The following CABIN1 variants were observed in gnomAD, a reference collection of about 807,000 sequenced individuals.
CABIN1 encodes calcineurin-binding protein cabin-1.
In CABIN1, 133 loss-of-function variants were observed where a neutral mutation model predicts 227.7. The observed-to-expected ratio is 0.58, with a 90% CI of 0.51 to 0.67. The LOEUF is 0.67. CABIN1 is among the 30% of genes least tolerant of loss of function. CABIN1 has a pLI of 0.00. For missense variants in CABIN1, 2,408 were observed against 2,852.5 expected, an observed-to-expected ratio of 0.84 and a Z score of 3.55; for synonymous variants, 1,086 against 1,155.1, an observed-to-expected ratio of 0.94 and a Z score of 1.21.
chr22:24,019,319 A>G (rs1400244829), intron 1 of CABIN1, among the ~76,000 whole-genome samples: 1 of 149,208 alleles, frequency 6.7e-6, no homozygotes, highest in Non-Finnish European at 1.5e-5. Context: ...TTTGGTAGAG[A>G]CAGGGTTTCA....
At chr22:24,162,648 C>T (rs545972775) in intron 29 of CABIN1, among the ~76,000 whole-genome samples, 1 of 152,338 alleles carries the variant, frequency 6.6e-6, no homozygotes, top group South Asian at 2.1e-4. Context: ...CCTCTCAGGG[C>T]TGGCTGGGGA....
chr22:24,080,070 T>C (rs754288609), intron 19 of CABIN1, among the ~76,000 whole-genome samples: 1 of 152,238 alleles, frequency 6.6e-6, no homozygotes, highest in Non-Finnish European at 1.5e-5. Context: ...ACTAGTTTGC[T>C]CTTGTATTTC....
In CABIN1 at chr22:24,166,767, T is replaced by C; in HGVS notation, c.5136T>C (p.Ala1712=). ...GLPQPKKPPL[A]DGSGPGPEPG... is the part of the protein sequence containing the mutation. ...CCCAGCCGAAGAAGCCCCCTCTGGC[T>C]GATGGCTCAGGGCCAGGGCCCGAGC... The change falls in exon 32 of 37, where the codon GCT becomes GCC. Residue 1712 remains alanine, a synonymous_variant. Coordinates refer to ENST00000263119, the MANE Select transcript of CABIN1 (RefSeq NM_012295.4). 1.2e-6 allele frequency: 2 copies of C among 1,612,882 alleles called. No individual in the cohort carries two copies. The highest frequency in any genetic ancestry group is 1.7e-6 in the Non-Finnish European group (2 of 1,179,978).
intron 26 of CABIN1, among the ~76,000 whole-genome samples, chr22:24,106,666 A>ATGTC (rs913044056): frequency 6.6e-6 from 1 of 152,052 alleles, no homozygotes; most frequent in Non-Finnish European, 1.5e-5. Flanking sequence ...CCCACTGTTC[A>ATGTC]TGTCTGTCTG....
intron 10 of CABIN1, among the ~76,000 whole-genome samples, chr22:24,058,286 ATGT>A (rs1350279692): frequency 6.6e-6 from 1 of 152,174 alleles, no homozygotes; most frequent in African/African-American, 2.4e-5. Context: ...ACCTCCCAAA[ATGT>A]TGAGATTACA....
intron 29 of CABIN1, among the ~76,000 whole-genome samples, chr22:24,161,068 A>G (rs1423182316): frequency 6.6e-6 from 1 of 152,222 alleles, no homozygotes. Flanking sequence ...GGCTGTAGGC[A>G]GGGTTTGGTA....
intron 3 of CABIN1, 105 bp from the exon 4 acceptor site, chr22:24,038,243 C>T (rs2037076349): frequency 2.4e-6 from 2 of 843,772 alleles, no homozygotes; most frequent in Admixed American, 1.8e-5. Context: ...GCTATCTAAT[C>T]ACATGGTTGG....
chr22:24,037,984 G>C (rs2037052496), intron 3 of CABIN1, among the ~76,000 whole-genome samples: 1 of 152,224 alleles, frequency 6.6e-6, no homozygotes, highest in African/African-American at 2.4e-5. Context: ...GAACAGCCAA[G>C]TGGAGGAGAT....
rs944142979 is a variant in CABIN1, at chr22:24,011,337, G to T, written c.-105G>T. 1 of 152,616 alleles carries T rather than the reference G, an allele frequency of 6.6e-6. No homozygotes were observed. The highest frequency in any genetic ancestry group is 2.4e-5 in the African/African-American group (1 of 41,460). The allele number at this position is 152,616 out of a possible 1,614,324, so 9.5% of individuals were successfully genotyped here. ...CGCAGCCGGACGGCGCGGTGGTCGG[G>T]ACAGACTGGCCGTTGCTGTGGAGAC... On this transcript the variant is annotated 5_prime_UTR_variant, in exon 1 of 37. Coordinates refer to ENST00000263119, the MANE Select transcript of CABIN1 (RefSeq NM_012295.4).
intron 33 of CABIN1, among the ~76,000 whole-genome samples, chr22:24,170,880 G>A (rs1157218650): frequency 6.6e-6 from 1 of 151,990 alleles, no homozygotes; most frequent in Non-Finnish European, 1.5e-5. Context: ...AGTCAGCCTG[G>A]TGCTGGGGAG....
intron 22 of CABIN1, among the ~76,000 whole-genome samples, chr22:24,085,668 T>C (rs773304046): frequency 2.1e-4 from 32 of 152,220 alleles, no homozygotes; most frequent in Non-Finnish European, 4.3e-4. Context: ...TCATTGCACA[T>C]GAAGCTCATG....
intron 1 of CABIN1, among the ~76,000 whole-genome samples, chr22:24,025,710 T>A (rs1333556761): frequency 6.6e-6 from 1 of 152,236 alleles, no homozygotes; most frequent in Non-Finnish European, 1.5e-5. Context: ...GCTCTCACTC[T>A]GTCACCCGGG....
intron 5 of CABIN1, 46 bp downstream of exon 5, chr22:24,041,319 TTGG>T (rs764358764): frequency 6.2e-7 from 1 of 1,613,278 alleles, no homozygotes; most frequent in Non-Finnish European, 8.5e-7. Flanking sequence ...TTGAAAGCTC[TTGG>T]TGGAGGGGAT....
chr22:24,095,862 C>A, intron 24 of CABIN1, 69 bp from the exon 25 acceptor site: 1 of 1,578,754 alleles, frequency 6.3e-7, no homozygotes, highest in Non-Finnish European at 8.7e-7. Context: ...TCCAGTGTGG[C>A]TGACTGGCCT....
intron 26 of CABIN1, among the ~76,000 whole-genome samples, chr22:24,109,075 A>G (rs1364990783): frequency 2.0e-5 from 3 of 152,196 alleles, no homozygotes; most frequent in Non-Finnish European, 2.9e-5. Context: ...TCACAGTTTT[A>G]CATGCATGGA....
Position 24,085,153 on chromosome 22 carries a change from T to A in CABIN1, c.3263+2T>A. ...TGACATCTGCATCTGCCCCAATAGG[T>A]CAGTGACCAGATCATGAGGCTAGGC... On this transcript the variant is annotated splice_donor_variant, in intron 22 of 36. Transcript: ENST00000263119. LOFTEE classifies it high-confidence loss of function. The A allele has an allele frequency of 6.2e-7, 1 of 1,614,128 alleles. No homozygotes were observed. The highest frequency in any genetic ancestry group is 1.3e-5 in the African/African-American group (1 of 75,028).
At chr22:24,114,597 A>G (rs968728467) in intron 27 of CABIN1, among the ~76,000 whole-genome samples, 2 of 152,122 alleles carry the variant, frequency 1.3e-5, no homozygotes, top group South Asian at 2.1e-4. Flanking sequence ...TACACCCTTA[A>G]CCATTACCCC....
At chr22:24,102,845 A>T (rs1437997523) in intron 26 of CABIN1, among the ~76,000 whole-genome samples, 1 of 152,046 alleles carries the variant, frequency 6.6e-6, no homozygotes, top group Non-Finnish European at 1.5e-5. Flanking sequence ...CCCAGGTTGT[A>T]GGGTGTGGGC....
Position 24,152,643 on chromosome 22 carries a change from C to T in CABIN1, c.4747-11757C>T, listed in dbSNP as rs145878815. Among the ~76,000 whole-genome samples, 17 of 152,294 alleles carry T rather than the reference C, an allele frequency of 1.1e-4. 1 individual carries two copies. The East Asian group carries it at 3.3e-3, about 29-fold the overall frequency. On this transcript the variant is annotated intron_variant, in intron 29 of 36. Coordinates refer to ENST00000263119, the MANE Select transcript of CABIN1 (RefSeq NM_012295.4). ...GGGACTGTTAACACTGAGGAACATT[C>T]TTGCCACGGCAAGAAAGGAGCCAGG...
Sources: gnomAD v4.1 joint callset for allele counts (sites outside exome capture counted in the v4.1 genomes callset) on GRCh38, gnomAD v4.1.1 for gene constraint, MANE v1.5 for transcripts, NCBI Gene and HGNC (gene_info 2026-07-23, HGNC 2026-07-21) for gene names.